Variants in EPHA3 observed in about 807,000 individuals in gnomAD.
EPHA3 encodes ephrin type-A receptor 3.
Under a neutral mutation model 107.1 loss-of-function variants are expected in EPHA3, and 42 were observed. The ratio of observed to expected loss-of-function variants is 0.39; its 90% CI spans 0.31 to 0.51. The LOEUF (loss-of-function observed/expected upper bound fraction) is 0.51, where lower values mean the gene tolerates loss of function less well. Among genes scored for constraint, EPHA3 ranks in the 20% least tolerant of loss-of-function variants. EPHA3 has a pLI of 0.78. For missense variants in EPHA3, 1,183 were observed against 1,211.2 expected (o/e 0.98, Z 0.35); for synonymous variants, 461 against 424.8 (o/e 1.09, Z -1.05).
intron 3 of EPHA3, among the ~76,000 whole-genome samples, chr3:89,262,774 A>T (rs796152690): frequency 1.6e-4 from 24 of 151,996 alleles, no homozygotes; most frequent in African/African-American, 5.8e-4. Context: ...TGCCTGCAGG[A>T]TCAAACTCTA....
At chr3:89,316,162 G>A (rs1706894916) in intron 3 of EPHA3, among the ~76,000 whole-genome samples, 1 of 151,772 alleles carries the variant, frequency 6.6e-6, no homozygotes, top group South Asian at 2.1e-4. Context: ...TAGCTGGCAC[G>A]AAAGTAGGCA....
intron 11 of EPHA3, among the ~76,000 whole-genome samples, chr3:89,428,873 G>A (rs1709506826): frequency 1.3e-5 from 2 of 152,096 alleles, no homozygotes; most frequent in Admixed American, 6.6e-5. Flanking sequence ...AACCAATTTA[G>A]ATGCTATTGG....
chr3:89,460,804 A>C (rs1710215793), intron 15 of EPHA3, among the ~76,000 whole-genome samples: 1 of 141,238 alleles, frequency 7.1e-6, no homozygotes, highest in African/African-American at 2.7e-5. Flanking sequence ...CCGAATACCC[A>C]AGTGATCTCT....
chr3:89,140,931 G>T (rs1002315573), intron 2 of EPHA3, among the ~76,000 whole-genome samples: 3 of 151,566 alleles, frequency 2.0e-5, no homozygotes, highest in Admixed American at 6.6e-5. Context: ...TCTCTAAAGG[G>T]CTATATACTA....
intron 5 of EPHA3, among the ~76,000 whole-genome samples, chr3:89,391,227 C>T (rs1017693944): frequency 1.1e-4 from 16 of 152,084 alleles, no homozygotes; most frequent in African/African-American, 3.6e-4. Context: ...TCCACTGACA[C>T]ACAGTTAAGA....
intron 3 of EPHA3, among the ~76,000 whole-genome samples, chr3:89,282,758 C>A (rs1705980362): frequency 6.6e-6 from 1 of 151,932 alleles, no homozygotes; most frequent in Non-Finnish European, 1.5e-5. Flanking sequence ...TGATCTGTAG[C>A]CAATAGAGTG....
At chr3:89,316,686 C>G (rs533544308) in intron 3 of EPHA3, among the ~76,000 whole-genome samples, 1 of 151,042 alleles carries the variant, frequency 6.6e-6, no homozygotes, top group Admixed American at 6.6e-5. Flanking sequence ...ACTTAATGCT[C>G]TCTTATGGAA....
At chr3:89,279,714 A>C (rs1366610526) in intron 3 of EPHA3, among the ~76,000 whole-genome samples, 1 of 152,194 alleles carries the variant, frequency 6.6e-6, no homozygotes, top group East Asian at 1.9e-4. Flanking sequence ...AAGGTAGTAC[A>C]AACATATTAT....
In EPHA3 at chr3:89,449,283, C is replaced by T. The variant is rs369423490; in HGVS notation, c.2405C>T (p.Thr802Met). 7 of 1,612,344 alleles carry T rather than the reference C, an allele frequency of 4.3e-6. No homozygotes were observed. The highest frequency in any genetic ancestry group is 3.3e-5 in the South Asian group (3 of 90,870). The change falls in exon 14 of 17, where the codon ACG (threonine) becomes ATG (methionine). Residue 802 changes from threonine (T) to methionine (M), a missense_variant. Transcript: ENST00000336596. ...GAAGCTATAGCCTACCGCAAGTTCACGTCAGCCAGCGATGTATGGAGTTAT... is the reference window on the plus strand; with the variant it reads ...GAAGCTATAGCCTACCGCAAGTTCATGTCAGCCAGCGATGTATGGAGTTAT... Reference protein sequence around the residue: ...SPEAIAYRKFTSASDVWSYGI... With the variant: ...SPEAIAYRKFMSASDVWSYGI...
chr3:89,412,174 T>C (rs994011714), intron 9 of EPHA3, among the ~76,000 whole-genome samples: 4 of 151,782 alleles, frequency 2.6e-5, no homozygotes, highest in African/African-American at 9.7e-5. Context: ...AGAAAGTTAA[T>C]TTATTGAAAA....
At chr3:89,423,459 G>T (rs181522269) in intron 11 of EPHA3, among the ~76,000 whole-genome samples, 21 of 151,392 alleles carry the variant, frequency 1.4e-4, no homozygotes, top group African/African-American at 5.1e-4. Context: ...TGTCTTAAGT[G>T]TACTACACTT....
chr3:89,225,845 G>A (rs1704488760), intron 3 of EPHA3, among the ~76,000 whole-genome samples: 1 of 152,062 alleles, frequency 6.6e-6, no homozygotes, highest in South Asian at 2.1e-4. Flanking sequence ...CTGAGAATAG[G>A]AAAAGAACCC....
chr3:89,177,982 A>G (rs1196985902), intron 2 of EPHA3, among the ~76,000 whole-genome samples: 1 of 152,230 alleles, frequency 6.6e-6, no homozygotes. Flanking sequence ...GATAATGAAC[A>G]TAATATCCTC....
chr3:89,440,461 T>C (rs1196062331), intron 13 of EPHA3, among the ~76,000 whole-genome samples: 1 of 152,212 alleles, frequency 6.6e-6, no homozygotes, highest in Non-Finnish European at 1.5e-5. Flanking sequence ...TATGTGATAT[T>C]ATGCCTCAAT....
intron 3 of EPHA3, among the ~76,000 whole-genome samples, chr3:89,230,479 A>G (rs1338038677): frequency 6.6e-6 from 1 of 152,098 alleles, no homozygotes; most frequent in Admixed American, 6.6e-5. Context: ...AATGTTTTTA[A>G]GTAGAGTGAA....
chr3:89,131,433 A>G (rs1704205653), intron 2 of EPHA3, among the ~76,000 whole-genome samples: 1 of 152,186 alleles, frequency 6.6e-6, no homozygotes, highest in South Asian at 2.1e-4. Flanking sequence ...CATGACTTAA[A>G]TTGATTGTAC....
chr3:89,358,312 T>C (rs1342679642), intron 5 of EPHA3, among the ~76,000 whole-genome samples: 1 of 151,104 alleles, frequency 6.6e-6, no homozygotes, highest in Non-Finnish European at 1.5e-5. Context: ...AGTTAATATC[T>C]TTCATAAACA....
At chr3:89,166,582 A>G (rs1251665521) in intron 2 of EPHA3, among the ~76,000 whole-genome samples, 2 of 152,222 alleles carry the variant, frequency 1.3e-5, no homozygotes, top group Non-Finnish European at 2.9e-5. Flanking sequence ...AACAATGAAG[A>G]CAAATCAATT....
chr3:89,328,884 AG>A (rs1172043799), intron 3 of EPHA3, among the ~76,000 whole-genome samples: 1 of 152,148 alleles, frequency 6.6e-6, no homozygotes, highest in African/African-American at 2.4e-5. Context: ...TGTTCTCTCC[AG>A]GTACATCGTT....
Sources: allele counts gnomAD v4.1 joint callset (sites outside exome capture counted in the v4.1 genomes callset), GRCh38; gene constraint gnomAD v4.1.1; transcripts MANE v1.5; gene names NCBI Gene and HGNC (gene_info 2026-07-23, HGNC 2026-07-21).